SIGLEC5: variants seen among roughly 807,000 people sequenced by gnomAD.
SIGLEC5 encodes the protein sialic acid-binding Ig-like lectin 5.
Under a neutral mutation model 45.9 loss-of-function variants are expected in SIGLEC5, and 34 were observed. The observed-to-expected ratio is 0.74, with a 90% confidence interval of 0.56 to 0.99. SIGLEC5 has a LOEUF of 0.99. Ranked by LOEUF, SIGLEC5 falls within the 50% of genes least tolerant of loss-of-function variation. SIGLEC5 has a pLI of 0.00. For missense variants in SIGLEC5, 508 were observed against 629.6 expected, an observed-to-expected ratio of 0.81 and a Z score of 2.07; for synonymous variants, 203 against 258.6, an observed-to-expected ratio of 0.79 and a Z score of 2.06.
chr19:51,627,103 C>G (rs1464632513), intron 7 of SIGLEC5, 46 bp downstream of exon 7: 1 of 1,447,536 alleles, frequency 6.9e-7, no homozygotes, highest in African/African-American at 1.4e-5. Context: ...GTCTCTCCTA[C>G]TCCCTACAAA....
Position 51,627,654 on chromosome 19 carries a change from A to C in SIGLEC5, c.1090T>G (p.Cys364Gly). Residue 364 changes from cysteine to glycine, a missense_variant, in exon 6 of 9, where the codon TGC becomes GGC. Physicochemically the swap from Cys to Gly is radical, Grantham distance 159. Transcript: ENST00000683636. ...AGCGGCTTCTCCTCAAGCCGCCAGC[A>C]CAGGGAGGGGGCCGGCCGGGCTCGA... ...SFRARPAPSL[C>G]WRLEEKPLEG... 1.9e-6 allele frequency: 3 copies of C among 1,612,136 alleles called. No homozygotes were observed. Among genetic ancestry groups the C allele is most frequent in the Admixed American group, 3.3e-5 (2 of 59,836 alleles).
rs564994216 is a variant in SIGLEC5 at position 51,619,911 on chromosome 19, T to C, written c.1464+6121A>G. On this transcript the variant is annotated intron_variant, in intron 8 of 8. Transcript: ENST00000683636. ...TGGTTCCTTGAAACTGATAATAAAA[T>C]AGGGAAAGCAATTAACAAGATTTAG... 1.4e-3 allele frequency among the ~76,000 whole-genome samples: 211 copies of C among 151,414 alleles called. 1 individual carries two copies. The highest frequency in any genetic ancestry group is 2.9e-3 in the Admixed American group (44 of 15,210).
Position 51,624,570 on chromosome 19 carries a change from C to A in SIGLEC5, c.1464+1462G>T, listed in dbSNP as rs868676389. Among the ~76,000 whole-genome samples, 171 of 152,142 alleles carry A rather than the reference C, an allele frequency of 1.1e-3. 3 individuals are homozygous for A. Among genetic ancestry groups the A allele is most frequent in the African/African-American group, 4.0e-3 (165 of 41,494 alleles). ...ATTTTGGACAATTCGTTCGGGGCAA[C>A]ACTAGATCAATTTTATAAAAGAGGA... is the stretch of plus-strand genomic sequence containing the variant. On this transcript the variant is annotated intron_variant, in intron 8 of 8. Transcript: ENST00000683636.
At chr19:51,622,105 GTTTTGTTTTGTTTTGCTTTTTTGTT>G (rs1176380320) in intron 8 of SIGLEC5, among the ~76,000 whole-genome samples, 2 of 151,746 alleles carry the variant, frequency 1.3e-5, no homozygotes, top group African/African-American at 2.4e-5. Context: ...ATTCTTTTTT[GTTTTGTTTTGTTTTGCTTTTTTGTT>G]TTTTGTTTTG....
chr19:51,621,490 A>T (rs1049214575), intron 8 of SIGLEC5: 7 of 152,200 alleles, frequency 4.6e-5, no homozygotes, highest in Non-Finnish European at 1.0e-4. Flanking sequence ...AGAGAAATAC[A>T]TCTGCAGAGT....
chr19:51,627,141 A>C lies in SIGLEC5; in HGVS notation c.1382+8T>G, dbSNP rs751504330. ...CCACCCTGTACCTTCCCTGGGACCA[A>C]GACTTACATTAAAAAGAAGATGAGG... On this transcript the variant is annotated splice_region_variant and intron_variant, in intron 7 of 8. Coordinates refer to ENST00000683636, the MANE Select transcript of SIGLEC5 (RefSeq NM_003830.4). 8 of 1,609,976 alleles carry C rather than the reference A, an allele frequency of 5.0e-6. No individual in the cohort carries two copies. Among genetic ancestry groups the C allele is most frequent in the Admixed American group, 1.7e-5 (1 of 59,984 alleles).
intron 8 of SIGLEC5, among the ~76,000 whole-genome samples, chr19:51,618,792 CAAAAA>C (rs398035001): frequency 4.3e-4 from 21 of 48,308 alleles, no homozygotes; most frequent in African/African-American, 1.5e-3. Context: ...ACTCTGTCTC[CAAAAA>C]AAAAAAAAAA....
intron 8 of SIGLEC5, among the ~76,000 whole-genome samples, chr19:51,615,423 G>A (rs1280526690): frequency 1.3e-5 from 2 of 152,164 alleles, no homozygotes; most frequent in South Asian, 2.1e-4. Context: ...TACCCTTCCA[G>A]TGGGACAAAC....
intron 4 of SIGLEC5, among the ~76,000 whole-genome samples, chr19:51,628,564 T>G (rs968977372): frequency 5.9e-5 from 9 of 152,138 alleles, no homozygotes; most frequent in Non-Finnish European, 1.2e-4. Context: ...GCAGAGTGCA[T>G]GAGTGTGCAC....
intron 8 of SIGLEC5, among the ~76,000 whole-genome samples, chr19:51,616,902 C>G (rs1983076901): frequency 2.2e-5 from 1 of 45,928 alleles, no homozygotes; most frequent in African/African-American, 1.2e-4. Context: ...CAGAGTGAGA[C>G]TGTCAAAAAA....
At chr19:51,616,647 C>T (rs1372286773) in intron 8 of SIGLEC5, among the ~76,000 whole-genome samples, 1 of 152,086 alleles carries the variant, frequency 6.6e-6, no homozygotes, top group Non-Finnish European at 1.5e-5. Flanking sequence ...CGTGGTGGCT[C>T]ATGCCTGTAA....
Position 51,630,373 on chromosome 19 carries a change from C to T in SIGLEC5, c.-38G>A. 5.7e-6 allele frequency: 3 copies of T among 527,680 alleles called. No individual in the cohort carries two copies. Among genetic ancestry groups the T allele is most frequent in the South Asian group, 2.3e-5 (1 of 44,118 alleles). The allele number at this position is 527,680 out of a possible 1,614,324, so 32.7% of individuals were successfully genotyped here. On this transcript the variant is annotated 5_prime_UTR_variant, in exon 1 of 9. Coordinates refer to ENST00000683636, the MANE Select transcript of SIGLEC5 (RefSeq NM_003830.4). The stretch of plus-strand genomic sequence containing the variant: ...CAGGGCCCCAGCCCAGTCCCAGGTC[C>T]GGCTGTCAGGGAAGGAAATGCTCCA...
At chr19:51,616,027 C>T (rs772845905) in intron 8 of SIGLEC5, among the ~76,000 whole-genome samples, 7 of 152,194 alleles carry the variant, frequency 4.6e-5, no homozygotes, top group African/African-American at 1.2e-4. Flanking sequence ...CTGCCCACCT[C>T]GGCCTCCCAA....
intron 8 of SIGLEC5, among the ~76,000 whole-genome samples, chr19:51,619,774 G>A (rs899238418): frequency 2.0e-5 from 3 of 151,976 alleles, no homozygotes; most frequent in Admixed American, 6.6e-5. Context: ...ATTTATCAAA[G>A]ATCATCAGAA....
intron 3 of SIGLEC5, 119 bp downstream of exon 3, chr19:51,629,239 C>T: frequency 1.9e-5 from 30 of 1,561,198 alleles, no homozygotes; most frequent in Non-Finnish European, 2.5e-5. Context: ...CAAGGTTTCT[C>T]AAGTTATTGT....
intron 8 of SIGLEC5, among the ~76,000 whole-genome samples, chr19:51,622,430 C>T (rs1479482791): frequency 6.6e-6 from 1 of 150,730 alleles, no homozygotes; most frequent in African/African-American, 2.5e-5. Context: ...TGAGCCACCG[C>T]GCCCGGCCTT....
chr19:51,620,381 T>C (rs1983239973), intron 8 of SIGLEC5, among the ~76,000 whole-genome samples: 1 of 152,170 alleles, frequency 6.6e-6, no homozygotes, highest in Non-Finnish European at 1.5e-5. Flanking sequence ...GAGCAAAAGA[T>C]GATCAAACAA....
chr19:51,627,187 G>C lies in SIGLEC5; in HGVS notation c.1344C>G (p.Ala448=). Residue 448 remains alanine, a synonymous_variant, in exon 7 of 9, where the codon GCC becomes GCG. Transcript: ENST00000683636. ...PAALGGAGVM[A]LLCICLCLIF... is the part of the protein sequence containing the mutation. ...TGAGGCACAGACAGATACAGAGCAG[G>C]GCCATGACACCAGCACCACCAAGGG... is the stretch of plus-strand genomic sequence containing the variant. 6.2e-7 allele frequency: 1 copy of C among 1,614,098 alleles called. No individual in the cohort carries two copies.
intron 8 of SIGLEC5, among the ~76,000 whole-genome samples, chr19:51,624,017 T>C (rs1305469608): frequency 1.3e-5 from 2 of 151,878 alleles, no homozygotes; most frequent in Non-Finnish European, 2.9e-5. Context: ...AAATGAGCCT[T>C]GCGTGGTGGT....
Sources: gnomAD v4.1 joint callset for allele counts (sites outside exome capture counted in the v4.1 genomes callset) on GRCh38, gnomAD v4.1.1 for gene constraint, MANE v1.5 for transcripts, NCBI Gene and HGNC (gene_info 2026-07-23, HGNC 2026-07-21) for gene names.